Variants in CSMD1 observed in about 807,000 individuals in gnomAD.
CSMD1 encodes the protein CUB and sushi domain-containing protein 1.
In CSMD1, 213 loss-of-function variants were observed where a neutral mutation model predicts 417.5. The ratio of observed to expected loss-of-function variants is 0.51; its 90% CI spans 0.46 to 0.57. CSMD1 has a LOEUF of 0.57. CSMD1 is among the 20% of genes least tolerant of loss of function. The probability of loss-of-function intolerance (pLI) is 0.00; values close to 1 mark genes in which losing one functional copy is unlikely to be tolerated. For synonymous variants in CSMD1, 2,862 were observed against 1,736.8 expected, an observed-to-expected ratio of 1.65 and a Z score of -16.11; for missense variants, 6,923 against 4,529.7, an observed-to-expected ratio of 1.53 and a Z score of -15.17.
chr8:4,311,722 C>CAAA (rs35480252), intron 3 of CSMD1, among the ~76,000 whole-genome samples: 3 of 110,312 alleles, frequency 2.7e-5, no homozygotes, highest in African/African-American at 1.0e-4. Context: ...GACTCAGTCT[C>CAAA]AAAAAAAAAA....
rs374150832 is a variant in CSMD1 at position 3,429,907 on chromosome 8, G to A, written c.1562-20302C>T. 1.4e-3 allele frequency among the ~76,000 whole-genome samples: 214 copies of A among 152,186 alleles called. 1 individual carries two copies. The highest frequency in any genetic ancestry group is 4.4e-3 in the African/African-American group (184 of 41,528). ...AACTGTGCACCAGATCACACCAGGGGCACTGGCCACACTGTCTATTTCTTA... is the reference window on the plus strand; with the variant it reads ...AACTGTGCACCAGATCACACCAGGGACACTGGCCACACTGTCTATTTCTTA... On this transcript the variant is annotated intron_variant, in intron 12 of 69. Coordinates refer to ENST00000635120, the MANE Select transcript of CSMD1 (RefSeq NM_033225.6).
chr8:4,875,496 A>G (rs1458607008), intron 1 of CSMD1, among the ~76,000 whole-genome samples: 2 of 151,950 alleles, frequency 1.3e-5, no homozygotes, highest in Non-Finnish European at 2.9e-5. Context: ...CACTTGAGCA[A>G]CTCCATGAGA....
At chr8:4,959,729 A>G (rs1487205320) in intron 1 of CSMD1, among the ~76,000 whole-genome samples, 1 of 152,194 alleles carries the variant, frequency 6.6e-6, no homozygotes, top group Non-Finnish European at 1.5e-5. Context: ...TCAAAATCCT[A>G]ATGACCAACT....
intron 3 of CSMD1, among the ~76,000 whole-genome samples, chr8:4,205,428 G>C (rs1799919446): frequency 6.6e-6 from 1 of 152,144 alleles, no homozygotes; most frequent in South Asian, 2.1e-4. Flanking sequence ...TCACCAAACT[G>C]ATATTTATTT....
At chr8:3,631,467 C>T (rs1584989447) in intron 7 of CSMD1, among the ~76,000 whole-genome samples, 1 of 152,172 alleles carries the variant, frequency 6.6e-6, no homozygotes, top group Non-Finnish European at 1.5e-5. Flanking sequence ...GCAGATAAAA[C>T]AACACAGAGG....
chr8:3,307,644 A>T (rs1292159313), intron 25 of CSMD1, 51 bp downstream of exon 25: 2 of 1,572,848 alleles, frequency 1.3e-6, no homozygotes, highest in Non-Finnish European at 1.7e-6. Context: ...CTACAAGAAT[A>T]GAAGGCATAT....
At chr8:4,766,055 G>T (rs982927026) in intron 1 of CSMD1, among the ~76,000 whole-genome samples, 5 of 152,110 alleles carry the variant, frequency 3.3e-5, no homozygotes, top group African/African-American at 1.2e-4. Context: ...AAACTATGTG[G>T]AAATCTAGCT....
chr8:4,032,415 C>A (rs1313038614), intron 3 of CSMD1, among the ~76,000 whole-genome samples: 2 of 150,156 alleles, frequency 1.3e-5, no homozygotes, highest in East Asian at 4.0e-4. Flanking sequence ...ATTCTACTTA[C>A]TCCTATAGTG....
chr8:2,952,309 C>T (rs575631835), intron 65 of CSMD1, among the ~76,000 whole-genome samples: 3 of 152,224 alleles, frequency 2.0e-5, no homozygotes, highest in Admixed American at 6.5e-5. Context: ...CATTTATAGT[C>T]GCAAATAATG....
At chr8:4,642,747 G>T (rs112615208) in intron 1 of CSMD1, among the ~76,000 whole-genome samples, 1,985 of 152,280 alleles carry the variant, frequency 0.013, 37 homozygotes, top group African/African-American at 0.043. Flanking sequence ...TGCTAGCTGT[G>T]AAAATAATTA....
chr8:3,484,147 A>G (rs1817893556), intron 11 of CSMD1, among the ~76,000 whole-genome samples: 1 of 152,270 alleles, frequency 6.6e-6, no homozygotes, highest in South Asian at 2.1e-4. Context: ...ACAAAGAACA[A>G]TAAAGTGAGA....
At chr8:3,688,449 A>G (rs867310772) in intron 7 of CSMD1, among the ~76,000 whole-genome samples, 2 of 152,348 alleles carry the variant, frequency 1.3e-5, no homozygotes, top group South Asian at 2.1e-4. Context: ...TTTGAGGCAA[A>G]TGACTCATCC....
intron 5 of CSMD1, among the ~76,000 whole-genome samples, chr8:3,995,862 G>A (rs1243254815): frequency 6.6e-6 from 1 of 152,172 alleles, no homozygotes; most frequent in Non-Finnish European, 1.5e-5. Flanking sequence ...AAGGCACACA[G>A]GATCATAGTT....
intron 5 of CSMD1, among the ~76,000 whole-genome samples, chr8:3,837,598 G>C (rs1436246962): frequency 2.0e-5 from 3 of 152,138 alleles, no homozygotes; most frequent in Admixed American, 6.6e-5. Context: ...AAGTTTAGAA[G>C]TCTTAATAGA....
chr8:4,483,920 T>A (rs1801233606), intron 2 of CSMD1, among the ~76,000 whole-genome samples: 1 of 152,218 alleles, frequency 6.6e-6, no homozygotes, highest in Admixed American at 6.5e-5. Flanking sequence ...CCAAGCATCA[T>A]GGCTCACTTT....
Position 2,963,364 on chromosome 8 carries a change from C to T in CSMD1, c.9312G>A (p.Gln3104=). Residue 3104 remains glutamine, a synonymous_variant, in exon 60 of 70, where the codon CAG becomes CAA. Coordinates refer to ENST00000635120, the MANE Select transcript of CSMD1 (RefSeq NM_033225.6). The stretch of plus-strand genomic sequence containing the variant: ...AATCACTTCCCTCCACTGTTCCATT[C>T]TGCACCGGCGGCGGCTGAGGACACA... ...AVLCPQPPPV[Q]NGTVEGSDFR... The T allele has an allele frequency of 6.2e-7, 1 of 1,613,984 alleles. No individual in the cohort carries two copies.
chr8:4,711,179 C>T (rs561581994), intron 1 of CSMD1, among the ~76,000 whole-genome samples: 1 of 151,098 alleles, frequency 6.6e-6, no homozygotes, highest in Non-Finnish European at 1.5e-5. Flanking sequence ...AACCATGATC[C>T]TTTTATTACT....
intron 9 of CSMD1, among the ~76,000 whole-genome samples, chr8:3,580,423 G>A (rs528278945): frequency 6.6e-6 from 1 of 152,236 alleles, no homozygotes; most frequent in South Asian, 2.1e-4. Flanking sequence ...CCAGAGAGGG[G>A]AAACCAAATG....
At chr8:3,218,647 G>A (rs961437234) in intron 29 of CSMD1, among the ~76,000 whole-genome samples, 4 of 151,986 alleles carry the variant, frequency 2.6e-5, no homozygotes, top group African/African-American at 9.7e-5. Flanking sequence ...CGAGGCAGGT[G>A]GATCACCTGA....
Sources: allele counts gnomAD v4.1 joint callset (sites outside exome capture counted in the v4.1 genomes callset), GRCh38; gene constraint gnomAD v4.1.1; transcripts MANE v1.5; gene names NCBI Gene and HGNC (gene_info 2026-07-23, HGNC 2026-07-21).